The following TAF4 variants were observed in gnomAD, a reference collection of about 807,000 sequenced individuals.
TAF4 encodes transcription initiation factor TFIID subunit 4.
TAF4 carries 9 observed loss-of-function variants against 90.3 expected under a neutral mutation model. That is an observed-to-expected ratio of 0.10 (90% CI 0.06 to 0.17). The LOEUF is 0.17. TAF4 is among the 10% of genes least tolerant of loss of function. The probability of loss-of-function intolerance (pLI) is 1.00; values close to 1 mark genes in which losing one functional copy is unlikely to be tolerated. For missense variants in TAF4, 1,351 were observed against 1,370.7 expected (o/e 0.99, Z 0.23); for synonymous variants, 818 against 638.9 (o/e 1.28, Z -4.23).
chr20:62,003,990 AAG>A (rs746295262), intron 7 of TAF4, 112 bp from the exon 8 acceptor site: 9 of 1,344,484 alleles, frequency 6.7e-6, no homozygotes, highest in Non-Finnish European at 7.9e-6. Context: ...CGCCCCCAGT[AAG>A]AAGTCCTAGG....
chr20:61,976,097 A>G lies in TAF4; in HGVS notation c.*71T>C. 6.5e-7 allele frequency: 1 copy of G among 1,539,002 alleles called. No individual in the cohort carries two copies. Among genetic ancestry groups the G allele is most frequent in the Non-Finnish European group, 9.0e-7 (1 of 1,116,950 alleles). ...TAAAGAGGTGGCTGTTTTTTAAACAATATCCCATTTGCTCGTTACAAAAAG... is the reference window on the plus strand; with the variant it reads ...TAAAGAGGTGGCTGTTTTTTAAACAGTATCCCATTTGCTCGTTACAAAAAG... On this transcript the variant is annotated 3_prime_UTR_variant, in exon 15 of 15. Transcript: ENST00000252996.
At chr20:62,046,164 C>T (rs1009467840) in intron 1 of TAF4, among the ~76,000 whole-genome samples, 1 of 152,172 alleles carries the variant, frequency 6.6e-6, no homozygotes, top group Admixed American at 6.5e-5. Context: ...TTTCCTTCCC[C>T]GAAACACCAC....
In TAF4 at chr20:62,065,612, G is replaced by C. The variant is rs2056126620; in HGVS notation, c.199C>G (p.Pro67Ala). 9.9e-7 allele frequency: 1 copy of C among 1,005,496 alleles called. No homozygotes were observed. Among genetic ancestry groups the C allele is most frequent in the Non-Finnish European group, 1.2e-6 (1 of 844,938 alleles). 62.3% of individuals were successfully genotyped at this position (1,005,496 alleles called of 1,614,324 possible). A position where few individuals can be genotyped will look rare whatever the true frequency, so the allele number is the denominator to read the frequency against. The change falls in exon 1 of 15, where the codon CCG becomes GCG. Residue 67 changes from proline to alanine, a missense_variant. Transcript: ENST00000252996. ...ALGNHVVSGS[P>A]AGAAGAGPAA... ...GGCCCTGCGCCCGCGGCTCCGGCCG[G>C]GCTGCCGCTCACAACATGGTTCCCG... is the stretch of plus-strand genomic sequence containing the variant.
chr20:62,056,585 AC>A (rs2056065510), intron 1 of TAF4, among the ~76,000 whole-genome samples: 1 of 152,176 alleles, frequency 6.6e-6, no homozygotes, highest in African/African-American at 2.4e-5. Flanking sequence ...GGAGCCTGAG[AC>A]CACCGAGGGC....
chr20:61,988,345 G>A (rs1242074564), intron 14 of TAF4, among the ~76,000 whole-genome samples: 1 of 152,104 alleles, frequency 6.6e-6, no homozygotes, highest in East Asian at 1.9e-4. Context: ...TCCTTTTTCC[G>A]TGAACCTAAA....
At position 61,987,958 on chromosome 20, in the gene TAF4, G is replaced by C. The variant is rs150769782; in HGVS notation, c.3090+9592C>G. On this transcript the variant is annotated intron_variant, in intron 14 of 14. Transcript: ENST00000252996. ...ACCTCAGGTGGATATTCCTAAATGA[G>C]AGAAGCCAGTTTGAGAAGGCTGCAT... 1.4e-4 allele frequency among the ~76,000 whole-genome samples: 21 copies of C among 152,346 alleles called. No individual in the cohort carries two copies. In the East Asian group the frequency reaches 4.0e-3, roughly 29 times the overall value.
chr20:62,003,623 CA>C, intron 8 of TAF4, 107 bp downstream of exon 8: 1 of 1,352,440 alleles, frequency 7.4e-7, no homozygotes, highest in Admixed American at 2.8e-5. Flanking sequence ...TTAAAATGGC[CA>C]ATTTTATGTA....
intron 1 of TAF4, among the ~76,000 whole-genome samples, chr20:62,026,658 G>A (rs949547705): frequency 6.6e-6 from 1 of 152,154 alleles, no homozygotes. Flanking sequence ...GCAGAAACAC[G>A]AATCCAGCAG....
chr20:62,040,226 C>T (rs751190422), intron 1 of TAF4, among the ~76,000 whole-genome samples: 16 of 152,230 alleles, frequency 1.1e-4, no homozygotes, highest in Admixed American at 1.3e-4. Context: ...ACCCAAATAC[C>T]CATCAACTGG....
chr20:62,020,067 T>C (rs752065389), intron 1 of TAF4, among the ~76,000 whole-genome samples: 6 of 152,164 alleles, frequency 3.9e-5, no homozygotes, highest in Non-Finnish European at 8.8e-5. Flanking sequence ...CTCTCCTGTG[T>C]AGCCCAGGTC....
At chr20:62,026,419 C>T (rs1329654818) in intron 1 of TAF4, among the ~76,000 whole-genome samples, 1 of 152,162 alleles carries the variant, frequency 6.6e-6, no homozygotes, top group Non-Finnish European at 1.5e-5. Context: ...TTCTCAGCTC[C>T]CAGCCTCCGA....
chr20:62,020,059 C>G (rs1298799071), intron 1 of TAF4, among the ~76,000 whole-genome samples: 2 of 152,212 alleles, frequency 1.3e-5, no homozygotes, highest in African/African-American at 2.4e-5. Context: ...GTCTGTGGCT[C>G]TCCTGTGTAG....
Position 62,065,322 on chromosome 20 carries a change from G to T in TAF4, c.489C>A (p.Pro163=). The T allele has an allele frequency of 1.1e-6, 1 of 947,776 alleles. No homozygotes were observed. The highest frequency in any genetic ancestry group is 1.2e-6 in the Non-Finnish European group (1 of 801,968). The allele number at this position is 947,776 out of a possible 1,614,324, so 58.7% of individuals were successfully genotyped here. ...GGCCGGCGCGGGCGGCCAGCGCGGC[G>T]GGGCCGGCGGGCTTGGCGGGGCCGG... The part of the protein sequence containing the change: ...APAGPAKPAG[P]AALAARAGPG... The change falls in exon 1 of 15, where the codon CCC becomes CCA. Residue 163 remains proline, a synonymous_variant. Coordinates refer to ENST00000252996, the MANE Select transcript of TAF4 (RefSeq NM_003185.4).
intron 1 of TAF4, among the ~76,000 whole-genome samples, chr20:62,032,892 T>C (rs1277861904): frequency 2.0e-5 from 3 of 152,046 alleles, no homozygotes; most frequent in Non-Finnish European, 4.4e-5. Flanking sequence ...GATTCATCAG[T>C]CTATGCTAGG....
rs1265319833 is a variant in TAF4, at chr20:61,974,824, G to T, written c.*1344C>A. ...ACAGATAAATTTGTTTTTAATAAAG[G>T]AGTTAATTTTCTTTCAATCCTATAT... On this transcript the variant is annotated 3_prime_UTR_variant, in exon 15 of 15. Coordinates refer to ENST00000252996, the MANE Select transcript of TAF4 (RefSeq NM_003185.4). The surrounding 1 kb of genome is among the most constrained non-coding windows in gnomAD (Gnocchi z 4.1). 1 of 152,290 alleles carries T rather than the reference G, an allele frequency of 6.6e-6. No individual in the cohort carries two copies. Among genetic ancestry groups the T allele is most frequent in the African/African-American group, 2.4e-5 (1 of 41,414 alleles). 9.4% of individuals were successfully genotyped at this position (152,290 alleles called of 1,614,324 possible).
At chr20:62,061,252 C>T (rs1283635423) in intron 1 of TAF4, among the ~76,000 whole-genome samples, 3 of 152,212 alleles carry the variant, frequency 2.0e-5, no homozygotes, top group Admixed American at 2.0e-4. Context: ...GTCCCAACAG[C>T]GCGATTAAGG....
intron 1 of TAF4, among the ~76,000 whole-genome samples, chr20:62,043,993 T>G (rs2055978743): frequency 6.6e-6 from 1 of 152,160 alleles, no homozygotes; most frequent in Non-Finnish European, 1.5e-5. Flanking sequence ...CTCCCACCAA[T>G]GCAAAGACCA....
At chr20:62,051,058 G>T (rs1022936538) in intron 1 of TAF4, among the ~76,000 whole-genome samples, 2 of 152,194 alleles carry the variant, frequency 1.3e-5, no homozygotes, top group South Asian at 4.1e-4. Context: ...TTACAAGGAG[G>T]TTCAGAAAGG....
chr20:62,013,238 G>A (rs1024507880), intron 2 of TAF4, among the ~76,000 whole-genome samples: 5 of 152,284 alleles, frequency 3.3e-5, no homozygotes, highest in Admixed American at 2.0e-4. Flanking sequence ...TTGTGACCTC[G>A]TTAACAATCA....
Sources: gnomAD v4.1 joint callset for allele counts (sites outside exome capture counted in the v4.1 genomes callset) on GRCh38, gnomAD v4.1.1 for gene constraint, Gnocchi (gnomAD v3.1) non-coding constraint, MANE v1.5 for transcripts, NCBI Gene and HGNC (gene_info 2026-07-23, HGNC 2026-07-21) for gene names.